SCN11A: variants seen among roughly 807,000 people sequenced by gnomAD.
The protein encoded by SCN11A is sodium channel protein type 11 subunit alpha.
Under a neutral mutation model 162.2 loss-of-function variants are expected in SCN11A, and 122 were observed. The observed-to-expected ratio is 0.75, with a 90% CI of 0.65 to 0.87. SCN11A has a LOEUF of 0.87. Ranked by LOEUF, SCN11A falls within the 40% of genes least tolerant of loss-of-function variation. The probability of loss-of-function intolerance (pLI) is 0.00; values close to 1 mark genes in which losing one functional copy is unlikely to be tolerated. For synonymous variants in SCN11A, 758 were observed against 751.5 expected (o/e 1.01, Z -0.14); for missense variants, 2,015 against 2,181.6 (o/e 0.92, Z 1.52).
intron 17 of SCN11A, 109 bp from the exon 18 acceptor site, chr3:38,897,334 A>T: frequency 9.2e-7 from 1 of 1,089,378 alleles, no homozygotes; most frequent in Non-Finnish European, 1.3e-6. Context: ...GACATCCAAA[A>T]CTCTCTTCAA....
chr3:38,935,626 G>T (rs2066318708), intron 7 of SCN11A, among the ~76,000 whole-genome samples: 1 of 152,164 alleles, frequency 6.6e-6, no homozygotes, highest in Non-Finnish European at 1.5e-5. Flanking sequence ...AGAAAATCTA[G>T]AAGAAATGGA....
chr3:38,943,310 G>C (rs757866645), intron 7 of SCN11A, among the ~76,000 whole-genome samples: 2 of 152,186 alleles, frequency 1.3e-5, no homozygotes, highest in Non-Finnish European at 2.9e-5. Flanking sequence ...ATGTTTGTCT[G>C]GGGTTGGGAG....
intron 1 of SCN11A, among the ~76,000 whole-genome samples, chr3:39,043,469 A>C (rs1361650168): frequency 1.4e-5 from 2 of 147,972 alleles, no homozygotes; most frequent in Non-Finnish European, 3.0e-5. Flanking sequence ...ATACACAATG[A>C]AGTACTATAC....
At chr3:38,911,901 T>G (rs1230641744) in intron 11 of SCN11A, among the ~76,000 whole-genome samples, 3 of 152,216 alleles carry the variant, frequency 2.0e-5, no homozygotes, top group Non-Finnish European at 4.4e-5. Flanking sequence ...GTTTTGTTCA[T>G]GGCCACATTT....
intron 28 of SCN11A, 75 bp downstream of exon 28, chr3:38,863,120 T>C (rs2064990090): frequency 3.5e-6 from 3 of 855,990 alleles, no homozygotes; most frequent in East Asian, 2.4e-5. Flanking sequence ...TAAAGAAGGA[T>C]GGCATTACGG....
intron 2 of SCN11A, among the ~76,000 whole-genome samples, chr3:39,006,680 A>G (rs2030988902): frequency 6.6e-6 from 1 of 152,162 alleles, no homozygotes; most frequent in South Asian, 2.1e-4. Flanking sequence ...TCTTGCCTGT[A>G]ATCCCTAGGA....
Position 38,945,427 on chromosome 3 carries a change from T to A in SCN11A, c.472A>T (p.Asn158Tyr), listed in dbSNP as rs778031660. 6 of 1,610,186 alleles carry A rather than the reference T, an allele frequency of 3.7e-6. No homozygotes were observed. The highest frequency in any genetic ancestry group is 5.1e-6 in the Non-Finnish European group (6 of 1,177,012). ...AATACTTACTCTGCAATGTCAGTAT[T>A]GTTACTGTTGCTGTTTTTAGCAGGC... ...TGPAKNSNSNNTDIAECVFTG... is the reference protein window; with the variant it reads ...TGPAKNSNSNYTDIAECVFTG... Residue 158 changes from asparagine (N) to tyrosine (Y), a missense_variant, in exon 7 of 30, where the codon AAT (asparagine) becomes TAT (tyrosine). Asn to Tyr is a moderately radical substitution (Grantham distance 143). Coordinates refer to ENST00000302328, the MANE Select transcript of SCN11A (RefSeq NM_001349253.2).
intron 2 of SCN11A, among the ~76,000 whole-genome samples, chr3:39,008,439 A>G (rs2031035276): frequency 6.6e-6 from 1 of 152,208 alleles, no homozygotes; most frequent in Non-Finnish European, 1.5e-5. Context: ...CATAGAAGAG[A>G]AATCAAGAGA....
At chr3:38,941,827 A>G (rs1443322089) in intron 7 of SCN11A, among the ~76,000 whole-genome samples, 1 of 152,124 alleles carries the variant, frequency 6.6e-6, no homozygotes, top group Non-Finnish European at 1.5e-5. Context: ...ATAGAAAACC[A>G]ATAGAAAAAT....
At chr3:39,008,982 C>T (rs770723080) in intron 2 of SCN11A, among the ~76,000 whole-genome samples, 1 of 151,726 alleles carries the variant, frequency 6.6e-6, no homozygotes, top group Non-Finnish European at 1.5e-5. Context: ...AGATAATTTG[C>T]AAGGTCAAAG....
At chr3:38,856,406 T>C (rs1031045724) in intron 28 of SCN11A, among the ~76,000 whole-genome samples, 5 of 152,146 alleles carry the variant, frequency 3.3e-5, no homozygotes, top group African/African-American at 9.7e-5. Context: ...TCAACATTCC[T>C]ACAGATGAAA....
At chr3:38,920,069 A>T (rs1309436881) in intron 10 of SCN11A, 68 bp from the exon 11 acceptor site, 1 of 1,170,422 alleles carries the variant, frequency 8.5e-7, no homozygotes, top group Non-Finnish European at 1.3e-6. Context: ...AATAGTAAGT[A>T]TGCAGATTAT....
chr3:38,889,551 G>A (rs1371682628), intron 19 of SCN11A, among the ~76,000 whole-genome samples: 2 of 152,054 alleles, frequency 1.3e-5, no homozygotes, highest in South Asian at 2.1e-4. Context: ...TGTAATCCCA[G>A]CACTTTGGGA....
At chr3:38,995,807 A>ATCTATCTGTCTG (rs1373121067) in intron 2 of SCN11A, among the ~76,000 whole-genome samples, 9 of 145,388 alleles carry the variant, frequency 6.2e-5, no homozygotes, top group African/African-American at 2.2e-4. Flanking sequence ...TTGTCTATCT[A>ATCTATCTGTCTG]TCTATCTATC....
intron 7 of SCN11A, among the ~76,000 whole-genome samples, chr3:38,939,634 T>C (rs1294672392): frequency 6.6e-6 from 1 of 152,202 alleles, no homozygotes; most frequent in East Asian, 1.9e-4. Context: ...CCGGGCGCAG[T>C]GGCTCTTGCC....
At chr3:38,952,112 A>G (rs1240504667) in intron 4 of SCN11A, among the ~76,000 whole-genome samples, 1 of 152,168 alleles carries the variant, frequency 6.6e-6, no homozygotes, top group African/African-American at 2.4e-5. Context: ...CGAGCCCACC[A>G]GGAGGAATGA....
intron 1 of SCN11A, among the ~76,000 whole-genome samples, chr3:39,035,569 TG>T (rs1038250201): frequency 1.3e-5 from 2 of 152,148 alleles, no homozygotes; most frequent in African/African-American, 4.8e-5. Flanking sequence ...TTTTTAGAGA[TG>T]GGATCTCCCT....
At chr3:38,998,553 C>T (rs1220276448) in intron 2 of SCN11A, among the ~76,000 whole-genome samples, 1 of 152,152 alleles carries the variant, frequency 6.6e-6, no homozygotes, top group Non-Finnish European at 1.5e-5. Flanking sequence ...TCATCCATTA[C>T]TGGGTATATA....
intron 1 of SCN11A, among the ~76,000 whole-genome samples, chr3:39,051,272 C>G (rs1243252224): frequency 6.6e-6 from 1 of 152,068 alleles, no homozygotes; most frequent in African/African-American, 2.4e-5. Flanking sequence ...CCTCGCCCTC[C>G]TCCCACCCTC....
Sources: allele counts gnomAD v4.1 joint callset (sites outside exome capture counted in the v4.1 genomes callset), GRCh38; gene constraint gnomAD v4.1.1; transcripts MANE v1.5; gene names NCBI Gene and HGNC (gene_info 2026-07-23, HGNC 2026-07-21).